SPECC1L: variants seen among roughly 807,000 people sequenced by gnomAD.
The protein encoded by SPECC1L is sperm antigen with calponin homology and coiled-coil domains 1 like.
Under a neutral mutation model 116.8 loss-of-function variants are expected in SPECC1L, and 40 were observed. The observed-to-expected ratio is 0.34, with a 90% CI of 0.27 to 0.45. SPECC1L has a LOEUF of 0.45. Among genes scored for constraint, SPECC1L ranks in the 20% least tolerant of loss-of-function variants. The probability of loss-of-function intolerance (pLI) is 1.00; values close to 1 mark genes in which losing one functional copy is unlikely to be tolerated. For missense variants in SPECC1L, 1,110 were observed against 1,373.6 expected (o/e 0.81, Z 3.03); for synonymous variants, 504 against 500.6 (o/e 1.01, Z -0.09).
intron 14 of SPECC1L, among the ~76,000 whole-genome samples, chr22:24,405,462 G>C (rs917698085): frequency 2.0e-5 from 3 of 152,030 alleles, no homozygotes; most frequent in Non-Finnish European, 4.4e-5. Flanking sequence ...CGGTGATTCT[G>C]TTGCGTGTTG....
chr22:24,351,982 CTG>C (rs994179027), intron 11 of SPECC1L, among the ~76,000 whole-genome samples: 1 of 149,646 alleles, frequency 6.7e-6, no homozygotes. Flanking sequence ...GAGCGAGACT[CTG>C]TCTCAAAAAA....
intron 14 of SPECC1L, among the ~76,000 whole-genome samples, chr22:24,407,606 T>G (rs1250627084): frequency 2.0e-5 from 3 of 152,196 alleles, no homozygotes; most frequent in African/African-American, 7.2e-5. Flanking sequence ...GGGCCAGGCG[T>G]TGCCATTGGC....
At chr22:24,303,703 G>A (rs143540812) in intron 3 of SPECC1L, among the ~76,000 whole-genome samples, 2 of 152,158 alleles carry the variant, frequency 1.3e-5, no homozygotes, top group Non-Finnish European at 2.9e-5. Flanking sequence ...CACCTTCTGA[G>A]TCTTGGATCT....
At chr22:24,282,157 C>T (rs1371950648) in intron 2 of SPECC1L, among the ~76,000 whole-genome samples, 3 of 152,182 alleles carry the variant, frequency 2.0e-5, no homozygotes, top group African/African-American at 7.2e-5. Flanking sequence ...TGGATGGTGC[C>T]AGCTGATCCA....
intron 11 of SPECC1L, among the ~76,000 whole-genome samples, chr22:24,348,364 T>C (rs918508922): frequency 6.6e-6 from 1 of 152,208 alleles, no homozygotes; most frequent in Admixed American, 6.5e-5. Context: ...CTCTGTGGGC[T>C]CCATGTAGTA....
At chr22:24,356,970 A>G (rs2041545740) in intron 11 of SPECC1L, among the ~76,000 whole-genome samples, 1 of 151,606 alleles carries the variant, frequency 6.6e-6, no homozygotes, top group East Asian at 2.0e-4. Context: ...TATCACCCCC[A>G]TCTCCCCAGT....
chr22:24,347,010 T>G (rs546289406), intron 10 of SPECC1L, 76 bp from the exon 11 acceptor site: 50 of 1,117,736 alleles, frequency 4.5e-5, no homozygotes, highest in Non-Finnish European at 6.7e-5. Context: ...TAACTAAATA[T>G]CTACTCTGTG....
Position 24,411,626 on chromosome 22 carries a change from T to C in SPECC1L, c.3126T>C (p.Asp1042=). 1 of 1,614,196 alleles carries C rather than the reference T, an allele frequency of 6.2e-7. No individual in the cohort carries two copies. The highest frequency in any genetic ancestry group is 8.5e-7 in the Non-Finnish European group (1 of 1,180,036). Residue 1042 remains aspartate (D), a synonymous_variant, in exon 15 of 17, where the codon GAT becomes GAC. Coordinates refer to ENST00000314328, the MANE Select transcript of SPECC1L (RefSeq NM_015330.6). ...CAAACTTCAGCAGCAGCTGGAATGA[T>C]GGGCTGGCCTTCTGTGCCCTCCTGC... The part of the protein sequence containing the change: ...DITNFSSSWN[D]GLAFCALLHT...
intron 11 of SPECC1L, among the ~76,000 whole-genome samples, chr22:24,348,765 T>G (rs539353610): frequency 6.6e-6 from 1 of 152,322 alleles, no homozygotes; most frequent in Admixed American, 6.5e-5. Context: ...TGCAACCTTT[T>G]TGGTGCTGTC....
intron 14 of SPECC1L, among the ~76,000 whole-genome samples, chr22:24,371,846 C>A (rs1363384600): frequency 2.0e-5 from 3 of 152,164 alleles, no homozygotes; most frequent in African/African-American, 4.8e-5. Context: ...CTCAGCCTCT[C>A]AAGTAGCTGG....
intron 10 of SPECC1L, among the ~76,000 whole-genome samples, chr22:24,343,300 C>T (rs918244303): frequency 3.3e-5 from 5 of 152,080 alleles, no homozygotes; most frequent in Non-Finnish European, 7.4e-5. Context: ...GCAAGACAAG[C>T]GTATATAAAC....
intron 14 of SPECC1L, among the ~76,000 whole-genome samples, chr22:24,399,659 A>G (rs981506674): frequency 2.6e-5 from 4 of 152,240 alleles, no homozygotes; most frequent in African/African-American, 7.2e-5. Context: ...AGTTGAAGCT[A>G]TATCTGAGAA....
rs755662712 is a variant in SPECC1L at position 24,324,355 on chromosome 22, G to A, written c.2074G>A (p.Glu692Lys). The A allele has an allele frequency of 3.7e-6, 6 of 1,613,948 alleles. No individual in the cohort carries two copies. The highest frequency in any genetic ancestry group is 4.2e-6 in the Non-Finnish European group (5 of 1,179,962). ...ERSDMKETIF[E>K]LEDEVEQHRA... ...GAGTGACATGAAAGAAACCATCTTT[G>A]AACTTGAAGATGAAGTAGAACAACA... The change falls in exon 6 of 17, where the codon GAA becomes AAA. Residue 692 changes from glutamate to lysine, a missense_variant. Physicochemically the swap from Glu to Lys is moderately conservative, Grantham distance 56 (BLOSUM62 1). Around this residue, in one of 4 missense-constraint regions of SPECC1L, gnomAD observed 575 missense variants for 682.4 expected, o/e 0.84. Transcript: ENST00000314328.
intron 14 of SPECC1L, among the ~76,000 whole-genome samples, chr22:24,391,973 G>C (rs1287263182): frequency 1.3e-5 from 2 of 152,208 alleles, no homozygotes; most frequent in Non-Finnish European, 2.9e-5. Context: ...TACTTCATGT[G>C]AATCAGCACC....
intron 14 of SPECC1L, among the ~76,000 whole-genome samples, chr22:24,403,472 C>A (rs59672536): frequency 6.6e-6 from 1 of 152,146 alleles, no homozygotes; most frequent in Non-Finnish European, 1.5e-5. Flanking sequence ...GAAATTCCTT[C>A]CGTTAATGTG....
intron 2 of SPECC1L, among the ~76,000 whole-genome samples, chr22:24,291,556 T>C (rs1470438186): frequency 1.3e-5 from 2 of 152,238 alleles, no homozygotes; most frequent in African/African-American, 4.8e-5. Context: ...AAAGGGTTTC[T>C]TTTACAAAGT....
chr22:24,377,029 G>A (rs965167346), intron 14 of SPECC1L, among the ~76,000 whole-genome samples: 6 of 151,582 alleles, frequency 4.0e-5, no homozygotes, highest in African/African-American at 1.5e-4. Flanking sequence ...ATTTACTATA[G>A]GCAACCACTA....
intron 11 of SPECC1L, among the ~76,000 whole-genome samples, chr22:24,358,283 G>A (rs1436839492): frequency 6.6e-6 from 1 of 151,648 alleles, no homozygotes; most frequent in African/African-American, 2.4e-5. Flanking sequence ...TCCGGCTAAT[G>A]TTTTTGTAGA....
At chr22:24,389,093 C>T (rs1160578205) in intron 14 of SPECC1L, among the ~76,000 whole-genome samples, 1 of 150,010 alleles carries the variant, frequency 6.7e-6, no homozygotes. Context: ...TAGTACTTCA[C>T]TCCTTTCTAT....
Sources: gnomAD v4.1 joint callset for allele counts (sites outside exome capture counted in the v4.1 genomes callset) on GRCh38, gnomAD v4.1.1 for gene constraint, gnomAD v4.1.1 regional missense constraint, MANE v1.5 for transcripts, NCBI Gene and HGNC (gene_info 2026-07-23, HGNC 2026-07-21) for gene names.